Variants in TBC1D16 observed in about 807,000 individuals in gnomAD.
The protein encoded by TBC1D16 is CTD-2529O21.1.
Under a neutral mutation model 74.7 loss-of-function variants are expected in TBC1D16, and 58 were observed. The observed-to-expected ratio is 0.78, with a 90% CI of 0.63 to 0.97. The LOEUF (loss-of-function observed/expected upper bound fraction) is 0.97, where lower values mean the gene tolerates loss of function less well. TBC1D16 is among the 50% of genes least tolerant of loss of function. TBC1D16 has a pLI of 0.00. For synonymous variants in TBC1D16, 493 were observed against 474.7 expected, an observed-to-expected ratio of 1.04 and a Z score of -0.50; for missense variants, 1,014 against 1,079.5, an observed-to-expected ratio of 0.94 and a Z score of 0.85.
At position 79,950,406 on chromosome 17, in the gene TBC1D16, C is replaced by T. The variant is rs201589607; in HGVS notation, c.1257+5G>A. On this transcript the variant is annotated splice_donor_5th_base_variant and intron_variant, in intron 6 of 11. Transcript: ENST00000310924. The surrounding 1 kb of genome is among the most constrained non-coding windows in gnomAD (Gnocchi z 4.6). ...CGGGGCCAGCTGGGCGGACCCGGAC[C>T]TCACCTTCCGCAGCTTGTACTCCTC... The T allele has an allele frequency of 6.2e-7, 1 of 1,604,156 alleles. No individual in the cohort carries two copies. The highest frequency in any genetic ancestry group is 1.3e-5 in the African/African-American group (1 of 74,702).
intron 3 of TBC1D16, among the ~76,000 whole-genome samples, chr17:79,991,741 T>A (rs1461409212): frequency 3.5e-4 from 53 of 149,730 alleles, no homozygotes; most frequent in Admixed American, 3.5e-3. Flanking sequence ...GGCGGGGGCG[T>A]GCACCGCAGG....
At chr17:80,015,704 T>A (rs956648378) in intron 1 of TBC1D16, among the ~76,000 whole-genome samples, 1 of 152,074 alleles carries the variant, frequency 6.6e-6, no homozygotes, top group African/African-American at 2.4e-5. Flanking sequence ...GGAATATTAT[T>A]TGGCCTTAAA....
intron 4 of TBC1D16, 58 bp downstream of exon 4, chr17:79,952,599 C>G: frequency 6.5e-7 from 1 of 1,539,432 alleles, no homozygotes; most frequent in African/African-American, 1.4e-5. Flanking sequence ...AAAGCCCAGG[C>G]TGCCAGGGAA....
chr17:79,949,140 T>A, intron 7 of TBC1D16, 134 bp from the exon 8 acceptor site: 1 of 1,151,654 alleles, frequency 8.7e-7, no homozygotes, highest in Non-Finnish European at 1.2e-6. Flanking sequence ...TGCTGCCGGC[T>A]GCAGACCCTC....
intron 3 of TBC1D16, among the ~76,000 whole-genome samples, chr17:79,957,920 A>T (rs2033413371): frequency 6.6e-6 from 1 of 152,054 alleles, no homozygotes; most frequent in Non-Finnish European, 1.5e-5. Context: ...TATGATAAAG[A>T]TTAACATCTT....
chr17:79,991,697 T>G (rs1255476702), intron 3 of TBC1D16, among the ~76,000 whole-genome samples: 13 of 5,116 alleles, frequency 2.5e-3, no homozygotes, highest in South Asian at 8.4e-3. Flanking sequence ...CACAGGCAGG[T>G]GGGGGTGGGG....
chr17:80,024,453 CACACACCAT>C (rs2036431393), intron 1 of TBC1D16, among the ~76,000 whole-genome samples: 1 of 4,156 alleles, frequency 2.4e-4, no homozygotes, highest in African/African-American at 7.4e-4. Context: ...ACACACACCA[CACACACCAT>C]AGACACACAC....
rs1201160266 is a variant in TBC1D16 at position 80,000,448 on chromosome 17, C to T, written c.779+9712G>A. On this transcript the variant is annotated intron_variant, in intron 3 of 11. Coordinates refer to ENST00000310924, the MANE Select transcript of TBC1D16 (RefSeq NM_019020.4). The surrounding 1 kb of genome is among the most constrained non-coding windows in gnomAD (Gnocchi z 4.1). ...GTGGCCACAAGCCAAGGAATGCCTG[C>T]AGCCACTCAAACCGGAAGAGACCAG... Among the ~76,000 whole-genome samples the T allele has an allele frequency of 1.3e-5, 2 of 152,226 alleles. No homozygotes were observed. The highest frequency in any genetic ancestry group is 2.9e-5 in the Non-Finnish European group (2 of 68,042).
chr17:79,963,727 T>C (rs1037142896), intron 3 of TBC1D16, among the ~76,000 whole-genome samples: 10 of 152,178 alleles, frequency 6.6e-5, no homozygotes, highest in South Asian at 4.1e-4. Context: ...TCCCTCCACA[T>C]CCTCACCGAC....
At position 79,979,972 on chromosome 17, in the gene TBC1D16, C is replaced by T. The variant is rs1431688865; in HGVS notation, c.780-27154G>A. Among the ~76,000 whole-genome samples, 4 of 152,062 alleles carry T rather than the reference C, an allele frequency of 2.6e-5. No homozygotes were observed. Among genetic ancestry groups the T allele is most frequent in the Admixed American group, 2.6e-4 (4 of 15,264 alleles). ...TCCATTATGGCCAAACACAAGAAGC[C>T]CTCAGGCCTGCCCAACACGGCTGTG... On this transcript the variant is annotated intron_variant, in intron 3 of 11. Transcript: ENST00000310924. The surrounding 1 kb of genome is among the most constrained non-coding windows in gnomAD (Gnocchi z 4.8).
At position 79,964,982 on chromosome 17, in the gene TBC1D16, G is replaced by C. The variant is rs542900970; in HGVS notation, c.780-12164C>G. Among the ~76,000 whole-genome samples the C allele has an allele frequency of 2.6e-5, 4 of 152,228 alleles. No homozygotes were observed. In the South Asian group the frequency reaches 8.3e-4, roughly 32 times the overall value. ...TAAAACTATAATGTGATCATATCTA[G>C]ATGGCATGTCTATAATATACTTTCA... On this transcript the variant is annotated intron_variant, in intron 3 of 11. Transcript: ENST00000310924.
chr17:79,969,801 G>T (rs1447631585), intron 3 of TBC1D16, among the ~76,000 whole-genome samples: 9 of 152,132 alleles, frequency 5.9e-5, no homozygotes, highest in Non-Finnish European at 2.9e-5. Context: ...AATTAGCCAG[G>T]TGTGGTGGTG....
At chr17:80,011,021 C>G (rs571582112) in intron 2 of TBC1D16, among the ~76,000 whole-genome samples, 165 of 152,162 alleles carry the variant, frequency 1.1e-3, no homozygotes, top group African/African-American at 3.9e-3. Context: ...CTGCCATGCG[C>G]CTTTCTTTTT....
At position 80,029,185 on chromosome 17, in the gene TBC1D16, T is replaced by C. The variant is rs990281050; in HGVS notation, c.-63+6610A>G. ...GCTGGCAGGGGTGTTAAACTGGTGATAAAGGTAGCTGAAGTCTGCTTCCAG... is the reference window on the plus strand; with the variant it reads ...GCTGGCAGGGGTGTTAAACTGGTGACAAAGGTAGCTGAAGTCTGCTTCCAG... On this transcript the variant is annotated intron_variant, in intron 1 of 11. Coordinates refer to ENST00000310924, the MANE Select transcript of TBC1D16 (RefSeq NM_019020.4). 3.3e-5 allele frequency among the ~76,000 whole-genome samples: 5 copies of C among 152,124 alleles called. No homozygotes were observed. The East Asian group carries it at 9.7e-4, about 29-fold the overall frequency.
rs1040425257 is a variant in TBC1D16, at chr17:80,007,371, C to T, written c.779+2789G>A. Among the ~76,000 whole-genome samples, 1 of 152,252 alleles carries T rather than the reference C, an allele frequency of 6.6e-6. No individual in the cohort carries two copies. The highest frequency in any genetic ancestry group is 2.4e-5 in the African/African-American group (1 of 41,474). On this transcript the variant is annotated intron_variant, in intron 3 of 11. Coordinates refer to ENST00000310924, the MANE Select transcript of TBC1D16 (RefSeq NM_019020.4). This position sits in a 1 kb window ranked among gnomAD's most constrained non-coding sequence, Gnocchi z 4.5. ...TACAAGGGGGTTCTTGGCCGCACTT[C>T]ACACCCGTGAGGCATCTGCGTTTTG...
chr17:80,032,097 T>C (rs1191698247), intron 1 of TBC1D16, among the ~76,000 whole-genome samples: 1 of 152,236 alleles, frequency 6.6e-6, no homozygotes, highest in Non-Finnish European at 1.5e-5. Context: ...TATTGGAGCA[T>C]TGAATTCAGG....
At position 79,938,698 on chromosome 17, in the gene TBC1D16, G is replaced by A. The variant is rs1423070225; in HGVS notation, c.*2161C>T. ...GCCTACTGCCACCCGACTGTGCAGA[G>A]CGGACAATAAAGTGGCAGGCCTGTC... On this transcript the variant is annotated 3_prime_UTR_variant, in exon 12 of 12. Transcript: ENST00000310924. 1 of 152,300 alleles carries A rather than the reference G, an allele frequency of 6.6e-6. No homozygotes were observed. The highest frequency in any genetic ancestry group is 2.4e-5 in the African/African-American group (1 of 41,450). 9.4% of individuals were successfully genotyped at this position (152,300 alleles called of 1,614,324 possible). A position where few individuals can be genotyped will look rare whatever the true frequency, so the allele number is the denominator to read the frequency against.
chr17:79,997,940 C>T (rs1421619714), intron 3 of TBC1D16, among the ~76,000 whole-genome samples: 3 of 152,076 alleles, frequency 2.0e-5, no homozygotes, highest in East Asian at 3.9e-4. Flanking sequence ...GCCTGGCCAA[C>T]GTGGTGAAAC....
At chr17:80,025,101 TATACACACAAACACCAC>T (rs2036520044) in intron 1 of TBC1D16, among the ~76,000 whole-genome samples, 1 of 80,426 alleles carries the variant, frequency 1.2e-5, no homozygotes, top group African/African-American at 6.2e-5. Context: ...ACACACACCA[TATACACACAAACACCAC>T]AGACACACAC....
Sources: gnomAD v4.1 joint callset for allele counts (sites outside exome capture counted in the v4.1 genomes callset) on GRCh38, gnomAD v4.1.1 for gene constraint, Gnocchi (gnomAD v3.1) non-coding constraint, MANE v1.5 for transcripts, NCBI Gene and HGNC (gene_info 2026-07-23, HGNC 2026-07-21) for gene names.